The following PCDHA7 variants were observed in gnomAD, a reference collection of about 807,000 sequenced individuals.
PCDHA7 encodes protocadherin alpha-7.
A neutral mutation model predicts 57.2 loss-of-function variants in PCDHA7; 37 were observed. The ratio of observed to expected loss-of-function variants is 0.65; its 90% CI spans 0.50 to 0.85. PCDHA7 has a LOEUF of 0.85. PCDHA7 is among the 40% of genes least tolerant of loss of function. PCDHA7 has a pLI of 0.00. For missense variants in PCDHA7, 1,188 were observed against 1,241.8 expected (o/e 0.96, Z 0.65); for synonymous variants, 553 against 558.8 (o/e 0.99, Z 0.15).
At position 140,927,496 on chromosome 5, in the gene PCDHA7, G is replaced by A. The variant is rs1206944698; in HGVS notation, c.2356-51453G>A. ...CGAACAGCGCGCCACCCACCTGCTG[G>A]TGCTTACAGCTCGGGACGGCGGGCT... On this transcript the variant is annotated intron_variant, in intron 1 of 3. Coordinates refer to ENST00000525929, the MANE Select transcript of PCDHA7 (RefSeq NM_018910.3). 10 of 1,614,026 alleles carry A rather than the reference G, an allele frequency of 6.2e-6. No individual in the cohort carries two copies. In the African/African-American group the frequency reaches 8.0e-5, roughly 13 times the overall value.
chr5:140,872,755 C>A (rs1415992998), intron 1 of PCDHA7, among the ~76,000 whole-genome samples: 2 of 152,118 alleles, frequency 1.3e-5, no homozygotes, highest in African/African-American at 4.8e-5. Flanking sequence ...TAAAGACATG[C>A]ATATAGGGCT....
At chr5:140,871,219 G>A in intron 1 of PCDHA7, 1 of 1,613,872 alleles carries the variant, frequency 6.2e-7, no homozygotes, top group African/African-American at 1.3e-5. Flanking sequence ...CATCTGCGTG[G>A]TGTCCAGCCT....
In PCDHA7 at chr5:140,851,814, C is replaced by G. The variant is rs1363595383; in HGVS notation, c.2355+15076C>G. On this transcript the variant is annotated intron_variant, in intron 1 of 3. Coordinates refer to ENST00000525929, the MANE Select transcript of PCDHA7 (RefSeq NM_018910.3). The stretch of plus-strand genomic sequence containing the variant: ...CTTGTTCTGTCAGTAATCCATAAGA[C>G]AGAAATCTGTTTTTTTAAAAATATC... 6 of 954,454 alleles carry G rather than the reference C, an allele frequency of 6.3e-6. 1 individual carries two copies. In the African/African-American group the frequency reaches 1.1e-4, roughly 17 times the overall value. 59.1% of individuals were successfully genotyped at this position (954,454 alleles called of 1,614,324 possible). A position where few individuals can be genotyped will look rare whatever the true frequency, so the allele number is the denominator to read the frequency against.
intron 1 of PCDHA7, among the ~76,000 whole-genome samples, chr5:140,878,493 C>A (rs1339637878): frequency 6.6e-6 from 1 of 152,008 alleles, no homozygotes; most frequent in Non-Finnish European, 1.5e-5. Context: ...AATATTTAAC[C>A]ATCTGTACGA....
chr5:140,841,588 G>C, intron 1 of PCDHA7: 1 of 1,614,070 alleles, frequency 6.2e-7, no homozygotes. Context: ...TGAATTCTCG[G>C]ATCGACCGCG....
chr5:140,936,270 T>G (rs1367001317), intron 1 of PCDHA7, among the ~76,000 whole-genome samples: 2 of 152,226 alleles, frequency 1.3e-5, no homozygotes, highest in Non-Finnish European at 2.9e-5. Context: ...GAAGATATAT[T>G]CCTGTGTTTT....
intron 1 of PCDHA7, among the ~76,000 whole-genome samples, chr5:140,971,183 G>C (rs1471489236): frequency 1.3e-5 from 2 of 152,170 alleles, no homozygotes; most frequent in African/African-American, 4.8e-5. Flanking sequence ...CTGTAAGCCG[G>C]AAGCTCAGAG....
chr5:140,906,075 C>A (rs2153492820), intron 1 of PCDHA7, among the ~76,000 whole-genome samples: 1 of 152,246 alleles, frequency 6.6e-6, no homozygotes, highest in African/African-American at 2.4e-5. Context: ...TAGATCGCAC[C>A]CACCCAGACT....
chr5:140,883,861 G>A (rs1554180326), intron 1 of PCDHA7: 2 of 1,613,126 alleles, frequency 1.2e-6, no homozygotes, highest in South Asian at 1.1e-5. Flanking sequence ...TGGAGCTGTT[G>A]CAGTTCCAGG....
At chr5:140,841,353 C>A (rs1777171223) in intron 1 of PCDHA7, 2 of 1,612,606 alleles carry the variant, frequency 1.2e-6, no homozygotes, top group African/African-American at 2.7e-5. Context: ...GAGCTGGGAT[C>A]CTGGCGACTA....
At chr5:140,890,629 A>G (rs6883083) in intron 1 of PCDHA7, among the ~76,000 whole-genome samples, 2 of 152,158 alleles carry the variant, frequency 1.3e-5, no homozygotes, top group Admixed American at 1.3e-4. Context: ...AAAATTAAGC[A>G]TGTATCCTTG....
chr5:140,841,373 C>T, intron 1 of PCDHA7: 1 of 1,613,502 alleles, frequency 6.2e-7, no homozygotes, highest in East Asian at 2.2e-5. Flanking sequence ...ACTACTCTTG[C>T]TTCTGCTCCT....
chr5:140,944,984 T>A (rs972607288), intron 1 of PCDHA7, among the ~76,000 whole-genome samples: 6 of 152,184 alleles, frequency 3.9e-5, no homozygotes, highest in Non-Finnish European at 8.8e-5. Context: ...GTGGGTCTAC[T>A]TCTGTAACGG....
chr5:140,838,073 ATATAGTGTGTGTGTGTGTGT>A (rs1417460358), intron 1 of PCDHA7, among the ~76,000 whole-genome samples: 1 of 126,728 alleles, frequency 7.9e-6, no homozygotes, highest in African/African-American at 3.2e-5. Context: ...AGTTATATAT[ATATAGTGTGTGTGTGTGTGT>A]GTGTGTGTGT....
At chr5:140,962,840 T>C (rs1554226297) in intron 1 of PCDHA7, among the ~76,000 whole-genome samples, 6 of 152,348 alleles carry the variant, frequency 3.9e-5, no homozygotes, top group African/African-American at 2.4e-5. Context: ...TTTTTTATTA[T>C]ATAACTTGTG....
rs150463901 is a variant in PCDHA7, at chr5:140,882,560, C to A, written c.2355+45822C>A. 1.3e-3 allele frequency: 2,163 copies of A among 1,614,168 alleles called. 36 individuals carry two copies. Among genetic ancestry groups the A allele is most frequent in the Admixed American group, 1.6e-3 (95 of 60,010 alleles). ...GATCGACCGCGAGGAGCTGTGTGGG[C>A]GGAGCGCGGAGTGCAGCATCCACCT... On this transcript the variant is annotated intron_variant, in intron 1 of 3. Coordinates refer to ENST00000525929, the MANE Select transcript of PCDHA7 (RefSeq NM_018910.3).
At chr5:140,870,919 C>G in intron 1 of PCDHA7, 1 of 1,613,952 alleles carries the variant, frequency 6.2e-7, no homozygotes, top group South Asian at 1.1e-5. Context: ...CAACGCGTGG[C>G]TTTCATATGA....
chr5:140,870,395 C>T (rs1554164197), intron 1 of PCDHA7: 1 of 1,614,218 alleles, frequency 6.2e-7, no homozygotes, highest in South Asian at 1.1e-5. Context: ...GATGGGGGTT[C>T]GCCTTCTCTG....
chr5:140,840,577 G>T lies in PCDHA7; in HGVS notation c.2355+3839G>T, dbSNP rs185474153. ...TACTGCTAGAGTTTGGCATGTCAGA[G>T]AAATCATAAAGGAAAATGTTTTAAG... On this transcript the variant is annotated intron_variant, in intron 1 of 3. Coordinates refer to ENST00000525929, the MANE Select transcript of PCDHA7 (RefSeq NM_018910.3). Among the ~76,000 whole-genome samples, 160 of 152,084 alleles carry T rather than the reference G, an allele frequency of 1.1e-3. 2 individuals are homozygous for T. Among genetic ancestry groups the T allele is most frequent in the African/African-American group, 3.7e-3 (153 of 41,446 alleles).
Sources: gnomAD v4.1 joint callset for allele counts (sites outside exome capture counted in the v4.1 genomes callset) on GRCh38, gnomAD v4.1.1 for gene constraint, MANE v1.5 for transcripts, NCBI Gene and HGNC (gene_info 2026-07-23, HGNC 2026-07-21) for gene names.